The following PDIA3 variants were observed in gnomAD, a reference collection of about 807,000 sequenced individuals.
PDIA3 encodes the protein protein disulfide isomerase family A member 3.
PDIA3 carries 16 observed loss-of-function variants against 56.9 expected under a neutral mutation model. The ratio of observed to expected loss-of-function variants is 0.28; its 90% CI spans 0.19 to 0.43. The LOEUF is 0.43. PDIA3 is among the 20% of genes least tolerant of loss of function. PDIA3 has a pLI of 1.00. For missense variants in PDIA3, 485 were observed against 621.3 expected (o/e 0.78, Z 2.33); for synonymous variants, 192 against 216.5 (o/e 0.89, Z 0.99).
At chr15:43,768,036 T>C (rs2086859323) in intron 8 of PDIA3, among the ~76,000 whole-genome samples, 1 of 152,048 alleles carries the variant, frequency 6.6e-6, no homozygotes, top group African/African-American at 2.4e-5. Flanking sequence ...CCCTCATCCC[T>C]ACAGAATGTA....
At position 43,748,206 on chromosome 15, in the gene PDIA3, G is replaced by T. The variant is rs557170701; in HGVS notation, c.167+1500G>T. On this transcript the variant is annotated intron_variant, in intron 1 of 12. Coordinates refer to ENST00000300289, the MANE Select transcript of PDIA3 (RefSeq NM_005313.5). ...AAAAAGGAATTTTGGGGCTGGGCAT[G>T]GTGGCTCCCGCCTGTAATCCCAGCA... Among the ~76,000 whole-genome samples the T allele has an allele frequency of 5.9e-5, 9 of 152,292 alleles. No homozygotes were observed. In the East Asian group the frequency reaches 1.7e-3, roughly 29 times the overall value.
intron 1 of PDIA3, among the ~76,000 whole-genome samples, chr15:43,749,893 G>C (rs2086732433): frequency 6.6e-6 from 1 of 152,072 alleles, no homozygotes; most frequent in African/African-American, 2.4e-5. Flanking sequence ...GTTGCAGGAA[G>C]CTGAGATTGC....
intron 8 of PDIA3, among the ~76,000 whole-genome samples, 182 bp from the exon 9 acceptor site, chr15:43,768,307 A>G (rs1440690381): frequency 6.6e-6 from 1 of 152,244 alleles, no homozygotes; most frequent in Non-Finnish European, 1.5e-5. Flanking sequence ...CACAAAGAAC[A>G]CACTAGAAAT....
At chr15:43,768,689 G>A in intron 9 of PDIA3, 92 bp downstream of exon 9, 2 of 827,312 alleles carry the variant, frequency 2.4e-6, no homozygotes, top group Non-Finnish European at 4.0e-6. Context: ...AGACTTCGTT[G>A]GCCATCTCTT....
chr15:43,765,292 G>T (rs892869521), intron 5 of PDIA3, among the ~76,000 whole-genome samples, 158 bp from the exon 6 acceptor site: 1 of 151,842 alleles, frequency 6.6e-6, no homozygotes, highest in East Asian at 1.9e-4. Flanking sequence ...AAGGTAGGAG[G>T]ATCACTTGAG....
chr15:43,751,794 G>C (rs1412861734), intron 1 of PDIA3: 14 of 1,282,708 alleles, frequency 1.1e-5, no homozygotes, highest in Non-Finnish European at 1.2e-5. Context: ...TTAATGCTCT[G>C]TGGGTATTTT....
chr15:43,753,024 C>T (rs748004651), intron 1 of PDIA3: 7 of 374,264 alleles, frequency 1.9e-5, no homozygotes, highest in Admixed American at 3.4e-5. Flanking sequence ...GGCCTGCCAT[C>T]TAAAAGACTT....
intron 2 of PDIA3, among the ~76,000 whole-genome samples, chr15:43,754,670 T>A (rs1292559737): frequency 6.7e-6 from 1 of 150,036 alleles, no homozygotes; most frequent in South Asian, 2.1e-4. Flanking sequence ...CACTGCACAC[T>A]ACTAGACTCC....
chr15:43,759,538 A>G (rs986779072), intron 3 of PDIA3, among the ~76,000 whole-genome samples: 1 of 152,166 alleles, frequency 6.6e-6, no homozygotes, highest in Non-Finnish European at 1.5e-5. Flanking sequence ...GAACATATGA[A>G]TAATATTGAG....
At chr15:43,751,555 A>C in intron 1 of PDIA3, 1 of 1,294,866 alleles carries the variant, frequency 7.7e-7, no homozygotes, top group Admixed American at 2.3e-5. Context: ...ATGTTAACCA[A>C]CCCTGATTTC....
At chr15:43,755,912 C>A (rs1451765902) in intron 2 of PDIA3, among the ~76,000 whole-genome samples, 6 of 145,580 alleles carry the variant, frequency 4.1e-5, no homozygotes, top group Admixed American at 2.8e-4. Flanking sequence ...GAAACTCCGT[C>A]TCAAAAAAAA....
At chr15:43,752,113 A>G (rs2086748335) in intron 1 of PDIA3, among the ~76,000 whole-genome samples, 1 of 152,202 alleles carries the variant, frequency 6.6e-6, no homozygotes, top group South Asian at 2.1e-4. Context: ...TAGTCTTAGT[A>G]CACGTGCACG....
Position 43,756,725 on chromosome 15 carries a change from A to C in PDIA3, c.323A>C (p.Asp108Ala), listed in dbSNP as rs746916199. Reference sequence around the variant, plus strand: ...TATCCAACCCTGAAGATATTTAGAGATGGTGAAGAAGCAGGTGCTTATGAT... The same window carrying C: ...TATCCAACCCTGAAGATATTTAGAGCTGGTGAAGAAGCAGGTGCTTATGAT... ...SGYPTLKIFR[D>A]GEEAGAYDGP... Residue 108 changes from aspartate to alanine, a missense_variant, in exon 3 of 13, where the codon GAT becomes GCT. Physicochemically the swap from Asp to Ala is moderately radical, Grantham distance 126 (BLOSUM62 -2). Transcript: ENST00000300289. 9 of 1,609,282 alleles carry C rather than the reference A, an allele frequency of 5.6e-6. No homozygotes were observed. Among genetic ancestry groups the C allele is most frequent in the South Asian group, 5.5e-5 (5 of 90,946 alleles).
intron 1 of PDIA3, among the ~76,000 whole-genome samples, chr15:43,747,990 TTC>T (rs1419881227): frequency 2.0e-5 from 3 of 152,188 alleles, no homozygotes; most frequent in African/African-American, 7.2e-5. Context: ...GGAACTCATG[TTC>T]TCTCTTAGGA....
At chr15:43,749,965 C>CT (rs78387330) in intron 1 of PDIA3, among the ~76,000 whole-genome samples, 41 of 141,704 alleles carry the variant, frequency 2.9e-4, no homozygotes, top group East Asian at 1.6e-3. Context: ...GTAAAATGGG[C>CT]TTTTTTTTTT....
At chr15:43,747,219 G>C (rs2086712906) in intron 1 of PDIA3, 1 of 154,690 alleles carries the variant, frequency 6.5e-6, no homozygotes. Flanking sequence ...GTGCTTTCTT[G>C]AGGCAGGTAA....
intron 5 of PDIA3, among the ~76,000 whole-genome samples, chr15:43,764,769 G>A (rs935405613): frequency 3.9e-5 from 6 of 152,146 alleles, no homozygotes; most frequent in African/African-American, 9.6e-5. Context: ...CACCCAGCCC[G>A]CTATTGTTTC....
intron 3 of PDIA3, among the ~76,000 whole-genome samples, chr15:43,760,539 T>C (rs1039645687): frequency 6.0e-5 from 9 of 150,346 alleles, no homozygotes; most frequent in Non-Finnish European, 1.3e-4. Flanking sequence ...ACTTTTTTTT[T>C]TTTTTTTGAG....
intron 1 of PDIA3, among the ~76,000 whole-genome samples, chr15:43,750,979 A>G (rs1423381490): frequency 2.0e-5 from 3 of 151,094 alleles, no homozygotes; most frequent in Non-Finnish European, 4.4e-5. Flanking sequence ...TAAAAATACA[A>G]AAATTGGCTA....
Sources: gnomAD v4.1 joint callset for allele counts (sites outside exome capture counted in the v4.1 genomes callset) on GRCh38, gnomAD v4.1.1 for gene constraint, MANE v1.5 for transcripts, NCBI Gene and HGNC (gene_info 2026-07-23, HGNC 2026-07-21) for gene names.